The following GYG2 variants were observed in gnomAD, a reference collection of about 807,000 sequenced individuals.
GYG2 encodes the protein glycogenin 2, also known as glycogenin-2.
In GYG2, 29 loss-of-function variants were observed where a neutral mutation model predicts 29.4. The ratio of observed to expected loss-of-function variants is 0.99; its 90% CI spans 0.74 to 1.35. The LOEUF (loss-of-function observed/expected upper bound fraction) is 1.35, where lower values mean the gene tolerates loss of function less well. Among genes scored for constraint, GYG2 ranks in the 40% most tolerant of loss-of-function variants. GYG2 has a pLI of 0.00. For synonymous variants in GYG2, 167 were observed against 172.3 expected, an observed-to-expected ratio of 0.97 and a Z score of 0.24; for missense variants, 370 against 385.7, an observed-to-expected ratio of 0.96 and a Z score of 0.34.
intron 3 of GYG2, chrX:2,853,114 A>C (rs1200189647): frequency 8.9e-6 from 1 of 111,782 alleles, no homozygotes; most frequent in Non-Finnish European, 1.9e-5. Context: ...TCCTGGGTTC[A>C]AGTGATTCTC....
intron 9 of GYG2, among the ~76,000 whole-genome samples, chrX:2,876,905 C>T (rs768055427): frequency 9.0e-6 from 1 of 110,571 alleles, no homozygotes; most frequent in Non-Finnish European, 1.9e-5. Flanking sequence ...GCCGAGATCA[C>T]GTCACTGCAC....
intron 3 of GYG2, among the ~76,000 whole-genome samples, chrX:2,846,291 G>A (rs1242432191): frequency 9.5e-6 from 1 of 105,381 alleles, no homozygotes; most frequent in Admixed American, 1.1e-4. Context: ...GGTCTCGAAC[G>A]CCTGACCTCA....
At chrX:2,841,686 G>C (rs1230294934) in intron 2 of GYG2, among the ~76,000 whole-genome samples, 7 of 111,780 alleles carry the variant, frequency 6.3e-5, no homozygotes, top group Non-Finnish European at 3.8e-5. Context: ...ACACGTCTGG[G>C]ACGCTTGTGT....
intron 8 of GYG2, among the ~76,000 whole-genome samples, chrX:2,866,028 A>C (rs183625667): frequency 2.0e-3 from 221 of 112,493 alleles, no homozygotes; most frequent in Non-Finnish European, 3.7e-3. Context: ...AATGCCATGT[A>C]TAGATATACC....
chrX:2,871,984 GA>G (rs1337169744), intron 8 of GYG2, among the ~76,000 whole-genome samples: 3 of 111,867 alleles, frequency 2.7e-5, no homozygotes, highest in Non-Finnish European at 5.6e-5. Context: ...TTGTGTACTG[GA>G]ACATTCTGTG....
At position 2,845,153 on chromosome X, in the gene GYG2, A is replaced by G; in HGVS notation, c.149+1799A>G. Among the ~76,000 whole-genome samples the G allele has an allele frequency of 1.2e-3, 2 of 1,658 alleles. 1 individual carries two copies. The highest frequency in any genetic ancestry group is 7.8e-3 in the Non-Finnish European group (2 of 255). The allele number at this position is 1,658 out of a possible 115,157, so 1.4% of individuals were successfully genotyped here. ...CACGTGTGTATGTATATTTATATAC[A>G]CGTGTGTATGTATATTTATATACAC... On this transcript the variant is annotated intron_variant, in intron 3 of 10. Coordinates refer to ENST00000398806, the MANE Select transcript of GYG2 (RefSeq NM_001079855.2).
rs781458097 is a variant in GYG2 at position 2,879,495 on chromosome X, C to T, written c.1252-1557C>T. Among the ~76,000 whole-genome samples the T allele has an allele frequency of 2.2e-4, 25 of 111,396 alleles. 1 individual carries two copies. The highest frequency in any genetic ancestry group is 9.5e-5 in the Admixed American group (1 of 10,479). On this transcript the variant is annotated intron_variant, in intron 10 of 10. Transcript: ENST00000398806. Reference sequence around the variant, plus strand: ...GTTGGCCGGGCTGGTCTCGAACTCCCGACCTCAAGTGATCCACCTGCCTCG... The same window carrying T: ...GTTGGCCGGGCTGGTCTCGAACTCCTGACCTCAAGTGATCCACCTGCCTCG...
In GYG2 at chrX:2,875,798, T is replaced by C. The variant is rs1295690984; in HGVS notation, c.1039-12T>C. 2 of 1,119,107 alleles carry C rather than the reference T, an allele frequency of 1.8e-6. No homozygotes were observed. Among genetic ancestry groups the C allele is most frequent in the Non-Finnish European group, 2.5e-6 (2 of 812,574 alleles). 92.2% of individuals were successfully genotyped at this position (1,119,107 alleles called of 1,213,427 possible). A position where few individuals can be genotyped will look rare whatever the true frequency, so the allele number is the denominator to read the frequency against. Reference sequence around the variant, plus strand: ...TTTGACTTAACTTGCCTTTGCTCTTTCTTTATAACAGATGATAGCTTGTCC... The same window carrying C: ...TTTGACTTAACTTGCCTTTGCTCTTCCTTTATAACAGATGATAGCTTGTCC... On this transcript the variant is annotated splice_polypyrimidine_tract_variant and intron_variant, in intron 8 of 10. Transcript: ENST00000398806.
At chrX:2,846,551 C>T (rs2087742402) in intron 3 of GYG2, among the ~76,000 whole-genome samples, 1 of 110,035 alleles carries the variant, frequency 9.1e-6, no homozygotes, top group Non-Finnish European at 1.9e-5. Context: ...ACAAGACAGG[C>T]TGGGTGACAT....
chrX:2,833,034 C>T (rs1473491568), intron 2 of GYG2, among the ~76,000 whole-genome samples: 1 of 112,055 alleles, frequency 8.9e-6, no homozygotes, highest in African/African-American at 3.2e-5. Flanking sequence ...TATTTGAATA[C>T]TACTGTGTTT....
Position 2,846,507 on chromosome X carries a change from C to T in GYG2, c.149+3153C>T, listed in dbSNP as rs769340655. 1.2e-4 allele frequency among the ~76,000 whole-genome samples: 13 copies of T among 110,664 alleles called. No homozygotes were observed. In the South Asian group the frequency reaches 5.0e-3, roughly 43 times the overall value. On this transcript the variant is annotated intron_variant, in intron 3 of 10. Transcript: ENST00000398806. ...TAGGTTAACAAATCTTCAGGGAGGC[C>T]AAGGTGGGAGGATTGCATGAGGCCA...
intron 2 of GYG2, among the ~76,000 whole-genome samples, chrX:2,840,436 A>G (rs926971329): frequency 8.9e-6 from 1 of 112,109 alleles, no homozygotes; most frequent in South Asian, 3.7e-4. Context: ...GAATGGGTCC[A>G]TGACAGCTAC....
Position 2,870,383 on chromosome X carries a change from A to G in GYG2, c.1039-5427A>G, listed in dbSNP as rs368142603. On this transcript the variant is annotated intron_variant, in intron 8 of 10. Coordinates refer to ENST00000398806, the MANE Select transcript of GYG2 (RefSeq NM_001079855.2). ...CACCTGGCTAATTTTTTGTATTTAT[A>G]GTAGAGCCGGGTTTTCAGCATGTTG... is the stretch of plus-strand genomic sequence containing the variant. 1.1e-4 allele frequency among the ~76,000 whole-genome samples: 12 copies of G among 110,232 alleles called. No individual in the cohort carries two copies. In the East Asian group the frequency reaches 2.6e-3, roughly 24 times the overall value.
chrX:2,879,741 AATAG>A (rs757975264), intron 10 of GYG2, among the ~76,000 whole-genome samples: 21 of 112,473 alleles, frequency 1.9e-4, no homozygotes, highest in African/African-American at 6.8e-4. Context: ...ATTTTAGATA[AATAG>A]ATAAATGATA....
chrX:2,841,930 C>T (rs995057962), intron 2 of GYG2, among the ~76,000 whole-genome samples: 5 of 111,975 alleles, frequency 4.5e-5, no homozygotes, highest in African/African-American at 1.6e-4. Context: ...TACCAAAGTT[C>T]ACATCAGTCT....
At chrX:2,845,165 A>G (rs1430574349) in intron 3 of GYG2, among the ~76,000 whole-genome samples, 2 of 48 alleles carry the variant, frequency 0.042, 1 homozygote, top group Non-Finnish European at 0.5. Flanking sequence ...GTGTGTATGT[A>G]TATTTATATA....
chrX:2,881,498 A>G lies in GYG2; in HGVS notation c.*285A>G, dbSNP rs2088720066. On this transcript the variant is annotated 3_prime_UTR_variant, in exon 11 of 11. Coordinates refer to ENST00000398806, the MANE Select transcript of GYG2 (RefSeq NM_001079855.2). ...GCGAGCAGTAATAACATTCTAGTAG[A>G]CTCTCGATGGTGGTCTCCGCTCTTG... 8.8e-6 allele frequency: 2 copies of G among 226,745 alleles called. No individual in the cohort carries two copies. The highest frequency in any genetic ancestry group is 3.0e-4 in the South Asian group (2 of 6,610). 18.7% of individuals were successfully genotyped at this position (226,745 alleles called of 1,213,427 possible).
chrX:2,868,682 C>T (rs1197007529), intron 8 of GYG2, among the ~76,000 whole-genome samples: 4 of 109,004 alleles, frequency 3.7e-5, no homozygotes, highest in Admixed American at 1.0e-4. Context: ...GATTGGGGGG[C>T]GAGGGGAGGG....
chrX:2,861,031 T>TC (rs1332959586), intron 7 of GYG2, among the ~76,000 whole-genome samples: 3 of 105,452 alleles, frequency 2.8e-5, no homozygotes, highest in Non-Finnish European at 5.9e-5. Context: ...AGCCCGGCCT[T>TC]TTTTTTTTTT....
Sources: gnomAD v4.1 joint callset for allele counts (sites outside exome capture counted in the v4.1 genomes callset) on GRCh38, gnomAD v4.1.1 for gene constraint, MANE v1.5 for transcripts, NCBI Gene and HGNC (gene_info 2026-07-23, HGNC 2026-07-21) for gene names.